ABAT: variants seen among roughly 807,000 people sequenced by gnomAD.
ABAT encodes the protein 4-aminobutyrate aminotransferase, mitochondrial.
A neutral mutation model predicts 64.6 loss-of-function variants in ABAT; 45 were observed. That is an observed-to-expected ratio of 0.70 (90% CI 0.55 to 0.89). ABAT has a LOEUF of 0.89. Ranked by LOEUF, ABAT falls within the 40% of genes least tolerant of loss-of-function variation. The probability of loss-of-function intolerance (pLI) is 0.00; values close to 1 mark genes in which losing one functional copy is unlikely to be tolerated. For synonymous variants in ABAT, 297 were observed against 250.5 expected (o/e 1.19, Z -1.75); for missense variants, 633 against 658.4 (o/e 0.96, Z 0.42).
At chr16:8,756,939 G>A (rs1184725096) in intron 5 of ABAT, among the ~76,000 whole-genome samples, 1 of 152,180 alleles carries the variant, frequency 6.6e-6, no homozygotes, top group East Asian at 1.9e-4. Context: ...AATGCTGTAG[G>A]ACTCTGGGAA....
chr16:8,763,989 G>A (rs893023351), intron 6 of ABAT, 80 bp from the exon 7 acceptor site: 83 of 1,178,324 alleles, frequency 7.0e-5, no homozygotes, highest in Admixed American at 3.4e-5. Flanking sequence ...TGAACACAGG[G>A]GCTATGAAAA....
intron 5 of ABAT, among the ~76,000 whole-genome samples, chr16:8,751,935 G>A (rs2059499368): frequency 6.6e-6 from 1 of 152,182 alleles, no homozygotes; most frequent in South Asian, 2.1e-4. Flanking sequence ...TGTTTCTTTG[G>A]CTGATGGATT....
chr16:8,742,896 C>T (rs953366345), intron 2 of ABAT, among the ~76,000 whole-genome samples: 3 of 139,934 alleles, frequency 2.1e-5, no homozygotes, highest in Admixed American at 1.5e-4. Context: ...AGTAGCCGGG[C>T]GCAGTGTTGT....
intron 5 of ABAT, among the ~76,000 whole-genome samples, chr16:8,751,042 G>A (rs562470697): frequency 4.3e-4 from 63 of 148,082 alleles, no homozygotes; most frequent in African/African-American, 1.3e-3. Flanking sequence ...TCTGCCTCCC[G>A]GGTTCAAGTG....
chr16:8,750,346 G>T, intron 4 of ABAT, 76 bp from the exon 5 acceptor site: 1 of 1,236,844 alleles, frequency 8.1e-7, no homozygotes, highest in South Asian at 1.2e-5. Context: ...GTACTTCACT[G>T]ATTCAAGCTT....
chr16:8,732,708 T>C (rs1375435697), intron 1 of ABAT, among the ~76,000 whole-genome samples: 2 of 151,180 alleles, frequency 1.3e-5, no homozygotes, highest in Admixed American at 6.6e-5. Context: ...GCCATTGTCA[T>C]CCTGGCCCGT....
intron 4 of ABAT, among the ~76,000 whole-genome samples, chr16:8,748,438 T>C (rs1827978430): frequency 1.3e-5 from 2 of 152,224 alleles, no homozygotes; most frequent in African/African-American, 4.8e-5. Context: ...TTGAGCCTTT[T>C]TTTATGGCCT....
At chr16:8,747,101 G>A (rs185493662) in intron 3 of ABAT, among the ~76,000 whole-genome samples, 10 of 152,266 alleles carry the variant, frequency 6.6e-5, no homozygotes, top group South Asian at 4.1e-4. Context: ...CCTGGGTTCC[G>A]CATGGGTCCG....
At chr16:8,687,278 A>G (rs574487035) in intron 1 of ABAT, among the ~76,000 whole-genome samples, 1 of 152,296 alleles carries the variant, frequency 6.6e-6, no homozygotes, top group African/African-American at 2.4e-5. Flanking sequence ...TAATCCCAGC[A>G]CTTTGGGAGG....
chr16:8,686,018 G>A (rs1343284329), intron 1 of ABAT, among the ~76,000 whole-genome samples: 1 of 152,218 alleles, frequency 6.6e-6, no homozygotes, highest in African/African-American at 2.4e-5. Context: ...GGGGCAGATT[G>A]CTGACCTTCC....
intron 11 of ABAT, among the ~76,000 whole-genome samples, 179 bp downstream of exon 11, chr16:8,769,152 C>T (rs565243333): frequency 3.3e-5 from 5 of 152,256 alleles, no homozygotes; most frequent in African/African-American, 1.2e-4. Flanking sequence ...TGGGAGAGTT[C>T]GTGAGACACA....
At chr16:8,738,423 A>G (rs989642573) in intron 2 of ABAT, 10 of 455,646 alleles carry the variant, frequency 2.2e-5, no homozygotes, top group African/African-American at 2.0e-4. Context: ...TTTTTCCTTT[A>G]ATGTCTTTTT....
intron 1 of ABAT, among the ~76,000 whole-genome samples, chr16:8,706,918 G>A (rs575431178): frequency 1.3e-5 from 2 of 152,298 alleles, no homozygotes; most frequent in East Asian, 3.9e-4. Flanking sequence ...GGAAGCAGAC[G>A]GGGCTGCAAG....
intron 5 of ABAT, among the ~76,000 whole-genome samples, chr16:8,753,784 A>G (rs945550750): frequency 1.3e-5 from 2 of 151,984 alleles, no homozygotes; most frequent in African/African-American, 4.8e-5. Flanking sequence ...AATGTTAACC[A>G]CCTTGGTCCC....
At chr16:8,705,519 G>T (rs7199025) in intron 1 of ABAT, 4 of 152,296 alleles carry the variant, frequency 2.6e-5, no homozygotes, top group African/African-American at 9.6e-5. Context: ...ATAACACTGA[G>T]TTGGGATTTC....
rs975969079 is a variant in ABAT, at chr16:8,746,196, A to G, written c.168+98A>G. 6.7e-6 allele frequency: 6 copies of G among 893,476 alleles called. No individual in the cohort carries two copies. The African/African-American group carries it at 9.8e-5, about 15-fold the overall frequency. 55.3% of individuals were successfully genotyped at this position (893,476 alleles called of 1,614,324 possible). A position where few individuals can be genotyped will look rare whatever the true frequency, so the allele number is the denominator to read the frequency against. ...AGCTTAGGGACCTGTATTGATTGTC[A>G]GCTGCTTTCAGAGAGTTCACCACCA... On this transcript the variant is annotated intron_variant, in intron 3 of 15. Coordinates refer to ENST00000268251, the MANE Select transcript of ABAT (RefSeq NM_020686.6).
chr16:8,733,393 G>A (rs1353030665), intron 1 of ABAT, among the ~76,000 whole-genome samples: 1 of 151,266 alleles, frequency 6.6e-6, no homozygotes, highest in East Asian at 1.9e-4. Context: ...GACGATGGGC[G>A]GCCAGGCAGA....
At chr16:8,713,784 C>G (rs969529379) in intron 1 of ABAT, 1 of 446,826 alleles carries the variant, frequency 2.2e-6, no homozygotes, top group Non-Finnish European at 4.5e-6. Flanking sequence ...CAGCTGCGTT[C>G]CTGGCCTCTG....
At chr16:8,738,715 A>T (rs1221748199) in intron 2 of ABAT, among the ~76,000 whole-genome samples, 1 of 145,138 alleles carries the variant, frequency 6.9e-6, no homozygotes, top group African/African-American at 2.6e-5. Flanking sequence ...TGCAATCTCG[A>T]CTCACTGCAA....
Sources: allele counts gnomAD v4.1 joint callset (sites outside exome capture counted in the v4.1 genomes callset), GRCh38; gene constraint gnomAD v4.1.1; transcripts MANE v1.5; gene names NCBI Gene and HGNC (gene_info 2026-07-23, HGNC 2026-07-21).